STK3: variants seen among roughly 807,000 people sequenced by gnomAD.
STK3 encodes the protein serine/threonine-protein kinase 3.
STK3 carries 41 observed loss-of-function variants against 58.0 expected under a neutral mutation model. The ratio of observed to expected loss-of-function variants is 0.71; its 90% CI spans 0.55 to 0.92. The LOEUF (loss-of-function observed/expected upper bound fraction) is 0.92, where lower values mean the gene tolerates loss of function less well. Ranked by LOEUF, STK3 falls within the 40% of genes least tolerant of loss-of-function variation. STK3 has a pLI of 0.00. For synonymous variants in STK3, 170 were observed against 191.0 expected, an observed-to-expected ratio of 0.89 and a Z score of 0.91; for missense variants, 479 against 602.7, an observed-to-expected ratio of 0.79 and a Z score of 2.15.
chr8:98,428,126 C>T lies in STK3; in HGVS notation n.483+6001G>A. The T allele has an allele frequency of 6.2e-7, 1 of 1,614,008 alleles. No individual in the cohort carries two copies. Among genetic ancestry groups the T allele is most frequent in the Non-Finnish European group, 8.5e-7 (1 of 1,180,024 alleles). ...CGCGCCTGGGCCGCTTGCTGCTCTG[C>T]CACTCGCGCGAGGCCATTCTGGAGC... On this transcript the variant is annotated intron_variant and non_coding_transcript_variant, in intron 3 of 3. Transcript: ENST00000517832. The surrounding 1 kb of genome is among the most constrained non-coding windows in gnomAD (Gnocchi z 6.7).
intron 1 of STK3, among the ~76,000 whole-genome samples, chr8:98,823,277 ACATCGATAAGGC>A (rs1835027565): frequency 6.6e-6 from 1 of 152,212 alleles, no homozygotes; most frequent in Non-Finnish European, 1.5e-5. Context: ...AACATCAACG[ACATCGATAAGGC>A]CATGTAAAAG....
the STK3 span, among the ~76,000 whole-genome samples, chr8:98,348,515 C>G: frequency 6.6e-6 from 1 of 152,072 alleles, no homozygotes; most frequent in Non-Finnish European, 1.5e-5. Flanking sequence ...TTGCAAAAGA[C>G]GCATTTAATA....
At chr8:98,939,765 T>C (rs1353520320) in intron 1 of STK3, among the ~76,000 whole-genome samples, 1 of 152,266 alleles carries the variant, frequency 6.6e-6, no homozygotes, top group Non-Finnish European at 1.5e-5. Context: ...CCTAGTCTTT[T>C]CCGAGGATGT....
chr8:98,691,193 G>A (rs1344746286), intron 6 of STK3, among the ~76,000 whole-genome samples: 2 of 152,052 alleles, frequency 1.3e-5, no homozygotes, highest in Non-Finnish European at 2.9e-5. Flanking sequence ...ACCTGCACAT[G>A]TACCCTAAAA....
At chr8:98,845,250 T>C (rs1411360360) in intron 3 of STK3, among the ~76,000 whole-genome samples, 10 of 152,224 alleles carry the variant, frequency 6.6e-5, no homozygotes, top group Admixed American at 6.5e-4. Flanking sequence ...TTTTATAATA[T>C]ATTTATCAAT....
rs147628193 is a variant in STK3, at chr8:98,731,174, A to G, written c.351+18102T>C. On this transcript the variant is annotated intron_variant, in intron 4 of 10. Coordinates refer to ENST00000419617, the MANE Select transcript of STK3 (RefSeq NM_006281.4). The stretch of plus-strand genomic sequence containing the variant: ...AAATTTGGAAGCATTTCTATGGAGA[A>G]GGTCATAACCAAGAGCAGACAAAGA... Among the ~76,000 whole-genome samples the G allele has an allele frequency of 9.2e-3, 1,407 of 152,334 alleles. 17 individuals are homozygous for G. Among genetic ancestry groups the G allele is most frequent in the African/African-American group, 0.032 (1,331 of 41,578 alleles).
chr8:98,894,392 A>T (rs1838373373), intron 1 of STK3, among the ~76,000 whole-genome samples: 1 of 152,160 alleles, frequency 6.6e-6, no homozygotes, highest in Non-Finnish European at 1.5e-5. Context: ...TTTCCAGTAC[A>T]TCATTAATCT....
At chr8:98,863,642 T>C (rs1837015851) in intron 3 of STK3, among the ~76,000 whole-genome samples, 3 of 152,296 alleles carry the variant, frequency 2.0e-5, no homozygotes, top group African/African-American at 4.8e-5. Context: ...AAAAAAATTT[T>C]AAATGAAAAC....
chr8:98,859,539 T>C (rs897182140), intron 3 of STK3, among the ~76,000 whole-genome samples: 7 of 152,202 alleles, frequency 4.6e-5, no homozygotes, highest in Admixed American at 6.5e-5. Flanking sequence ...CAATGATCTG[T>C]TGACATTTAA....
At chr8:98,399,620 C>T (rs963813557), downstream of STK3, among the ~76,000 whole-genome samples, 1 of 152,144 alleles carries the variant, frequency 6.6e-6, no homozygotes, top group African/African-American at 2.4e-5. Flanking sequence ...TCCTTATTTG[C>T]AAAATAAGAG....
chr8:98,472,393 T>C lies in STK3; in HGVS notation c.1318-16393A>G, dbSNP rs569152669. Among the ~76,000 whole-genome samples, 4 of 152,326 alleles carry C rather than the reference T, an allele frequency of 2.6e-5. No homozygotes were observed. In the South Asian group the frequency reaches 8.3e-4, roughly 32 times the overall value. ...GTTGAGTGTTTATTTCCTGGAATGTTTACTCACATACACCTTATGGTGGAG... is the reference window on the plus strand; with the variant it reads ...GTTGAGTGTTTATTTCCTGGAATGTCTACTCACATACACCTTATGGTGGAG... On this transcript the variant is annotated intron_variant, in intron 10 of 10. Transcript: ENST00000419617.
At chr8:98,870,195 T>G (rs897804106) in intron 3 of STK3, among the ~76,000 whole-genome samples, 5 of 152,238 alleles carry the variant, frequency 3.3e-5, no homozygotes, top group African/African-American at 1.2e-4. Flanking sequence ...TATGGCTGCA[T>G]AGTATTCCAT....
chr8:98,414,596 C>T (rs1332118597), intron 3 of STK3, among the ~76,000 whole-genome samples: 2 of 152,210 alleles, frequency 1.3e-5, no homozygotes, highest in Non-Finnish European at 2.9e-5. Flanking sequence ...AATCCAACTT[C>T]GAAACAGTGG....
intron 3 of STK3, among the ~76,000 whole-genome samples, chr8:98,425,160 G>A (rs1818216148): frequency 6.6e-6 from 1 of 152,236 alleles, no homozygotes; most frequent in South Asian, 2.1e-4. Context: ...GGGGATGAAG[G>A]AGATCCAGGG....
chr8:98,923,586 G>C lies in STK3; in HGVS notation c.-79+18792C>G, dbSNP rs112764141. ...GTGAACATGGCCTGAGAAACCCCAC[G>C]GGCATGTCCTTAAGCACAGAACGAC... On this transcript the variant is annotated intron_variant, in intron 1 of 1. Coordinates refer to the STK3 transcript ENST00000519420. Among the ~76,000 whole-genome samples the C allele has an allele frequency of 3.9e-5, 6 of 152,172 alleles. No individual in the cohort carries two copies. In the East Asian group the frequency reaches 1.2e-3, roughly 29 times the overall value.
chr8:98,591,862 G>A (rs1012829755), intron 7 of STK3, among the ~76,000 whole-genome samples: 10 of 152,178 alleles, frequency 6.6e-5, no homozygotes, highest in Non-Finnish European at 1.2e-4. Flanking sequence ...AAAGTATAAT[G>A]TAGTTTGAAT....
At chr8:98,552,674 T>G (rs953561249) in intron 8 of STK3, among the ~76,000 whole-genome samples, 4 of 152,174 alleles carry the variant, frequency 2.6e-5, no homozygotes, top group African/African-American at 9.6e-5. Context: ...GCCTCCATCA[T>G]TTTCCATTCT....
At chr8:98,873,942 G>A (rs959569526) in intron 3 of STK3, among the ~76,000 whole-genome samples, 4 of 152,102 alleles carry the variant, frequency 2.6e-5, no homozygotes, top group African/African-American at 9.7e-5. Flanking sequence ...CAGTATCAAT[G>A]GTCTTTACAA....
chr8:98,348,258 CA>C, the STK3 span, among the ~76,000 whole-genome samples: 1 of 151,968 alleles, frequency 6.6e-6, no homozygotes, highest in Admixed American at 6.6e-5. Context: ...AACAGTAGCT[CA>C]AAATGGATCA....
Sources: gnomAD v4.1 joint callset for allele counts (sites outside exome capture counted in the v4.1 genomes callset) on GRCh38, gnomAD v4.1.1 for gene constraint, Gnocchi (gnomAD v3.1) non-coding constraint, MANE v1.5 for transcripts, NCBI Gene and HGNC (gene_info 2026-07-23, HGNC 2026-07-21) for gene names.